The following FAM117B variants were observed in gnomAD, a reference collection of about 807,000 sequenced individuals.
FAM117B encodes protein FAM117B.
In FAM117B, 22 loss-of-function variants were observed where a neutral mutation model predicts 52.8. The ratio of observed to expected loss-of-function variants is 0.42; its 90% confidence interval spans 0.30 to 0.59. The LOEUF (loss-of-function observed/expected upper bound fraction) is 0.59, where lower values mean the gene tolerates loss of function less well. FAM117B is among the 20% of genes least tolerant of loss of function. FAM117B has a pLI of 0.22. For synonymous variants in FAM117B, 309 were observed against 324.1 expected (o/e 0.95, Z 0.50); for missense variants, 678 against 802.6 (o/e 0.84, Z 1.88).
intron 1 of FAM117B, among the ~76,000 whole-genome samples, chr2:202,651,564 G>A (rs1291005722): frequency 6.6e-6 from 1 of 151,638 alleles, no homozygotes; most frequent in Non-Finnish European, 1.5e-5. Context: ...AGTAGAGACA[G>A]GGTTTCACCA....
chr2:202,765,973 C>G lies in FAM117B; in HGVS notation c.*209C>G. On this transcript the variant is annotated 3_prime_UTR_variant, in exon 8 of 8. Coordinates refer to ENST00000392238, the MANE Select transcript of FAM117B (RefSeq NM_173511.4). ...CCTCAGTGCTTAGCCTGCTTTTTAT[C>G]AAAGCACTGATTGAAACAAGAAAGG... is the stretch of plus-strand genomic sequence containing the variant. 1.8e-6 allele frequency: 1 copy of G among 565,092 alleles called. No homozygotes were observed. Among genetic ancestry groups the G allele is most frequent in the Non-Finnish European group, 3.1e-6 (1 of 318,548 alleles). 35.0% of individuals were successfully genotyped at this position (565,092 alleles called of 1,614,324 possible).
rs917205192 is a variant in FAM117B, at chr2:202,767,820, G to A, written c.*2056G>A. On this transcript the variant is annotated 3_prime_UTR_variant, in exon 8 of 8. Coordinates refer to ENST00000392238, the MANE Select transcript of FAM117B (RefSeq NM_173511.4). ...TTCAACATTTGAATAAATCCGTCAG[G>A]TTTTAGATGGTGGGATTGATGAACT... 2.6e-5 allele frequency: 4 copies of A among 152,160 alleles called. No individual in the cohort carries two copies. Among genetic ancestry groups the A allele is most frequent in the Non-Finnish European group, 5.9e-5 (4 of 68,030 alleles). 9.4% of individuals were successfully genotyped at this position (152,160 alleles called of 1,614,324 possible).
chr2:202,690,947 A>G (rs1690611500), intron 1 of FAM117B, among the ~76,000 whole-genome samples: 1 of 151,998 alleles, frequency 6.6e-6, no homozygotes, highest in Admixed American at 6.6e-5. Context: ...GGGTAGATGT[A>G]GACTGTGTTC....
chr2:202,731,350 T>TAC (rs1691344704), intron 4 of FAM117B, among the ~76,000 whole-genome samples: 1 of 130,030 alleles, frequency 7.7e-6, no homozygotes, highest in Non-Finnish European at 1.7e-5. Context: ...TATATATATA[T>TAC]ATATATATAT....
intron 1 of FAM117B, among the ~76,000 whole-genome samples, chr2:202,691,649 T>TTGTGTGTGTGTGTGTGTG (rs199855927): frequency 2.4e-5 from 3 of 126,810 alleles, no homozygotes; most frequent in Non-Finnish European, 5.1e-5. Context: ...CCAGTTTACA[T>TTGTGTGTGTGTGTGTGTG]TGTGTGTGTG....
intron 1 of FAM117B, among the ~76,000 whole-genome samples, chr2:202,658,285 T>G (rs1330918771): frequency 6.6e-6 from 1 of 152,122 alleles, no homozygotes; most frequent in African/African-American, 2.4e-5. Flanking sequence ...ATTATCTCAG[T>G]TTTCCTTCAC....
chr2:202,727,839 G>A (rs1691270584), intron 4 of FAM117B, among the ~76,000 whole-genome samples: 1 of 152,174 alleles, frequency 6.6e-6, no homozygotes. Flanking sequence ...CCCTTTTATA[G>A]TTTGGTAGTG....
At chr2:202,636,277 A>T (rs570597362) in intron 1 of FAM117B, among the ~76,000 whole-genome samples, 145 of 152,352 alleles carry the variant, frequency 9.5e-4, no homozygotes, top group African/African-American at 2.8e-3. Context: ...TAGCAGTGGC[A>T]GATTTGGATC....
chr2:202,662,081 C>T (rs1292732361), intron 1 of FAM117B, among the ~76,000 whole-genome samples: 1 of 151,920 alleles, frequency 6.6e-6, no homozygotes, highest in African/African-American at 2.4e-5. Flanking sequence ...AACCTAAATG[C>T]CCAACCACAG....
At position 202,767,971 on chromosome 2, in the gene FAM117B, TGTTATGCA is replaced by T. The variant is rs1417142372; in HGVS notation, c.*2208_*2215del. ...GAGAGCCTTGATATTTTGCCTTCTT[TGTTATGCA>T]TTATAACTTGACTGTATCACCACTG... On this transcript the variant is annotated 3_prime_UTR_variant, in exon 8 of 8. Coordinates refer to ENST00000392238, the MANE Select transcript of FAM117B (RefSeq NM_173511.4). The T allele has an allele frequency of 1.3e-5, 2 of 152,234 alleles. No individual in the cohort carries two copies. The highest frequency in any genetic ancestry group is 4.8e-5 in the African/African-American group (2 of 41,472). 9.4% of individuals were successfully genotyped at this position (152,234 alleles called of 1,614,324 possible). A position where few individuals can be genotyped will look rare whatever the true frequency, so the allele number is the denominator to read the frequency against.
At chr2:202,709,451 CT>C (rs761024966) in intron 2 of FAM117B, among the ~76,000 whole-genome samples, 3 of 152,210 alleles carry the variant, frequency 2.0e-5, no homozygotes, top group Non-Finnish European at 4.4e-5. Context: ...ATCTGCCCCC[CT>C]CTGCCTCCCA....
At chr2:202,741,442 AAAAAGAATT>A in intron 4 of FAM117B, among the ~76,000 whole-genome samples, 1 of 143,026 alleles carries the variant, frequency 7.0e-6, no homozygotes, top group Non-Finnish European at 1.6e-5. Context: ...AAAAAAAAAA[AAAAAGAATT>A]GGTGATGAAG....
intron 4 of FAM117B, among the ~76,000 whole-genome samples, chr2:202,728,654 G>T (rs1023622112): frequency 6.6e-6 from 1 of 152,128 alleles, no homozygotes; most frequent in East Asian, 1.9e-4. Context: ...GTAGAATAGG[G>T]ATTAGGATGG....
chr2:202,724,861 G>C lies in FAM117B; in HGVS notation c.754-56G>C, dbSNP rs1691213270. ...TGTTTTATAATAGAAAAATATGGTA[G>C]ACATTGTTGTGAAATGATTTTTGTT... On this transcript the variant is annotated intron_variant, in intron 2 of 7. Coordinates refer to ENST00000392238, the MANE Select transcript of FAM117B (RefSeq NM_173511.4). 6 of 1,261,906 alleles carry C rather than the reference G, an allele frequency of 4.8e-6. No homozygotes were observed. The Admixed American group carries it at 1.3e-4, about 28-fold the overall frequency. 78.2% of individuals were successfully genotyped at this position (1,261,906 alleles called of 1,614,324 possible). A position where few individuals can be genotyped will look rare whatever the true frequency, so the allele number is the denominator to read the frequency against.
At chr2:202,635,972 A>G (rs1158511563) in intron 1 of FAM117B, among the ~76,000 whole-genome samples, 184 bp downstream of exon 1, 1 of 148,722 alleles carries the variant, frequency 6.7e-6, no homozygotes, top group Non-Finnish European at 1.5e-5. Flanking sequence ...GGCCTACCCT[A>G]CGCCCCGCCC....
chr2:202,700,713 G>A (rs61427134), intron 2 of FAM117B, among the ~76,000 whole-genome samples: 11,957 of 147,772 alleles, frequency 0.081, 1,632 homozygotes, highest in African/African-American at 0.28. Flanking sequence ...TTGAGATGGA[G>A]TCTTGCTCTG....
rs112205932 is a variant in FAM117B, at chr2:202,732,561, G to A, written c.960+6198G>A. The stretch of plus-strand genomic sequence containing the variant: ...TGGCCAGGCACGGCGGCTTATGCCC[G>A]AAATACCAGCACTTTGGGAGGCCAA... On this transcript the variant is annotated intron_variant, in intron 4 of 7. Coordinates refer to ENST00000392238, the MANE Select transcript of FAM117B (RefSeq NM_173511.4). Among the ~76,000 whole-genome samples the A allele has an allele frequency of 8.1e-4, 124 of 152,276 alleles. 1 individual carries two copies. Among genetic ancestry groups the A allele is most frequent in the African/African-American group, 1.8e-3 (75 of 41,562 alleles).
intron 1 of FAM117B, among the ~76,000 whole-genome samples, chr2:202,694,608 G>A (rs1466735187): frequency 6.6e-6 from 1 of 151,988 alleles, no homozygotes; most frequent in Non-Finnish European, 1.5e-5. Context: ...TACATTGGAT[G>A]TCTTATAACT....
chr2:202,707,941 G>A (rs188323081), intron 2 of FAM117B, among the ~76,000 whole-genome samples: 9 of 151,664 alleles, frequency 5.9e-5, no homozygotes. Context: ...CTCATTTTTT[G>A]TATTTTTGGT....
Sources: allele counts gnomAD v4.1 joint callset (sites outside exome capture counted in the v4.1 genomes callset), GRCh38; gene constraint gnomAD v4.1.1; transcripts MANE v1.5; gene names NCBI Gene and HGNC (gene_info 2026-07-23, HGNC 2026-07-21).